KCTD16: variants seen among roughly 807,000 people sequenced by gnomAD.
KCTD16 encodes the protein potassium channel tetramerization domain containing 16.
In KCTD16, 13 loss-of-function variants were observed where a neutral mutation model predicts 33.2. The observed-to-expected ratio is 0.39, with a 90% CI of 0.25 to 0.62. The LOEUF is 0.62. Ranked by LOEUF, KCTD16 falls within the 20% of genes least tolerant of loss-of-function variation. The pLI, the probability that KCTD16 is intolerant of heterozygous loss-of-function variation, is 0.50. For synonymous variants in KCTD16, 197 were observed against 195.3 expected (o/e 1.01, Z -0.07); for missense variants, 441 against 525.1 (o/e 0.84, Z 1.57).
Position 144,180,594 on chromosome 5 carries a change from C to A in KCTD16, c.-327+6122C>A, listed in dbSNP as rs138122219. Among the ~76,000 whole-genome samples, 1,402 of 152,326 alleles carry A rather than the reference C, an allele frequency of 9.2e-3. 11 individuals carry two copies. Among genetic ancestry groups the A allele is most frequent in the South Asian group, 0.017 (80 of 4,832 alleles). On this transcript the variant is annotated intron_variant, in intron 2 of 3. Coordinates refer to ENST00000512467, the MANE Select transcript of KCTD16 (RefSeq NM_020768.4). ...TTGGGGGTAGCTCATCTCTGTTCCACACAACTTCAGCTGGGGAGCTCAAAA... is the reference window on the plus strand; with the variant it reads ...TTGGGGGTAGCTCATCTCTGTTCCAAACAACTTCAGCTGGGGAGCTCAAAA...
chr5:144,451,805 G>T (rs1374124012), intron 3 of KCTD16, among the ~76,000 whole-genome samples: 1 of 152,024 alleles, frequency 6.6e-6, no homozygotes, highest in Admixed American at 6.6e-5. Flanking sequence ...TGGAACTGGG[G>T]TTTCATCATT....
chr5:144,480,496 G>C lies in KCTD16; in HGVS notation c.*6382G>C, dbSNP rs1754684001. ...ATAGAATACATATTAATCATCAGTA[G>C]TCTTTTTTAATTGCAGCCAGTGATC... On this transcript the variant is annotated 3_prime_UTR_variant, in exon 4 of 4. Coordinates refer to ENST00000512467, the MANE Select transcript of KCTD16 (RefSeq NM_020768.4). 1 of 151,940 alleles carries C rather than the reference G, an allele frequency of 6.6e-6. No individual in the cohort carries two copies. The highest frequency in any genetic ancestry group is 2.1e-4 in the South Asian group (1 of 4,828). 9.4% of individuals were successfully genotyped at this position (151,940 alleles called of 1,614,324 possible).
chr5:144,217,334 AT>A (rs1043298993), intron 3 of KCTD16, among the ~76,000 whole-genome samples: 2 of 151,742 alleles, frequency 1.3e-5, no homozygotes, highest in South Asian at 4.2e-4. Context: ...ACTAGGTGAG[AT>A]TTTTTTTTCC....
chr5:144,383,410 G>A (rs1412186891), intron 3 of KCTD16, among the ~76,000 whole-genome samples: 1 of 151,826 alleles, frequency 6.6e-6, no homozygotes, highest in Admixed American at 6.6e-5. Context: ...CTTTTTCACG[G>A]GATGGATCTC....
intron 3 of KCTD16, among the ~76,000 whole-genome samples, chr5:144,360,000 C>T (rs562829105): frequency 6.3e-4 from 96 of 152,148 alleles, no homozygotes; most frequent in African/African-American, 2.2e-3. Context: ...AATGTCTTCC[C>T]CAGTGATTTT....
At chr5:144,292,969 C>T (rs554683409) in intron 3 of KCTD16, among the ~76,000 whole-genome samples, 12 of 152,146 alleles carry the variant, frequency 7.9e-5, no homozygotes, top group Non-Finnish European at 1.3e-4. Context: ...AAGCACAAGG[C>T]GTAAATTTCT....
intron 3 of KCTD16, among the ~76,000 whole-genome samples, chr5:144,286,266 T>G (rs1424857111): frequency 6.6e-6 from 1 of 152,172 alleles, no homozygotes. Context: ...TATATTTTTT[T>G]TCTCCAACTT....
chr5:144,412,171 G>T (rs1403906932), intron 3 of KCTD16, among the ~76,000 whole-genome samples: 1 of 152,144 alleles, frequency 6.6e-6, no homozygotes, highest in Admixed American at 6.5e-5. Flanking sequence ...CCACTACTGT[G>T]TGCATATCCA....
At chr5:144,365,704 A>C (rs1015007820) in intron 3 of KCTD16, among the ~76,000 whole-genome samples, 9 of 152,230 alleles carry the variant, frequency 5.9e-5, no homozygotes, top group African/African-American at 2.2e-4. Flanking sequence ...CATGATTCAA[A>C]TGAACGTGCC....
intron 3 of KCTD16, among the ~76,000 whole-genome samples, chr5:144,285,443 C>A (rs1440952519): frequency 6.6e-6 from 1 of 152,206 alleles, no homozygotes; most frequent in East Asian, 1.9e-4. Context: ...TTCCCATTTT[C>A]TCTGCCAGTT....
chr5:144,261,747 C>A (rs1181792038), intron 3 of KCTD16, among the ~76,000 whole-genome samples: 1 of 152,194 alleles, frequency 6.6e-6, no homozygotes, highest in African/African-American at 2.4e-5. Flanking sequence ...AATTATTTTT[C>A]TTCTTTAATC....
intron 2 of KCTD16, among the ~76,000 whole-genome samples, chr5:144,178,916 A>G (rs1752562488): frequency 6.6e-6 from 1 of 152,220 alleles, no homozygotes; most frequent in African/African-American, 2.4e-5. Context: ...TCACTGAGAT[A>G]GCTCTAAAGT....
rs1754782069 is a variant in KCTD16 at position 144,485,286 on chromosome 5, TGAGC to T, written c.*11173_*11176del. 6.6e-6 allele frequency: 1 copy of T among 152,062 alleles called. No homozygotes were observed. Among genetic ancestry groups the T allele is most frequent in the South Asian group, 2.1e-4 (1 of 4,830 alleles). 9.4% of individuals were successfully genotyped at this position (152,062 alleles called of 1,614,324 possible). A position where few individuals can be genotyped will look rare whatever the true frequency, so the allele number is the denominator to read the frequency against. ...CAACCGCCTATAGATGGAACAGCCC[TGAGC>T]AACATATAAATATATACATACATAT... is the stretch of plus-strand genomic sequence containing the variant. On this transcript the variant is annotated 3_prime_UTR_variant, in exon 4 of 4. Coordinates refer to ENST00000512467, the MANE Select transcript of KCTD16 (RefSeq NM_020768.4).
At chr5:144,190,133 A>ACG (rs1230641090) in intron 2 of KCTD16, among the ~76,000 whole-genome samples, 2 of 152,154 alleles carry the variant, frequency 1.3e-5, no homozygotes, top group Non-Finnish European at 2.9e-5. Context: ...TGTCTCCTTA[A>ACG]CGCTATTATA....
At chr5:144,338,930 T>C (rs1752559538) in intron 3 of KCTD16, among the ~76,000 whole-genome samples, 1 of 152,176 alleles carries the variant, frequency 6.6e-6, no homozygotes, top group Non-Finnish European at 1.5e-5. Flanking sequence ...AATTTGCTAG[T>C]AGTTAACAAA....
At chr5:144,304,977 C>CTTTTTTTT (rs146638360) in intron 3 of KCTD16, among the ~76,000 whole-genome samples, 7 of 83,412 alleles carry the variant, frequency 8.4e-5, no homozygotes, top group African/African-American at 1.1e-4. Flanking sequence ...ATATCAAAAT[C>CTTTTTTTT]TTTTTTTTTT....
At chr5:144,408,729 G>A (rs1406918200) in intron 3 of KCTD16, among the ~76,000 whole-genome samples, 1 of 152,044 alleles carries the variant, frequency 6.6e-6, no homozygotes, top group Admixed American at 6.5e-5. Flanking sequence ...TTGAGATATC[G>A]CTCCTGCCTG....
At chr5:144,383,631 CAGG>C (rs1011252728) in intron 3 of KCTD16, among the ~76,000 whole-genome samples, 2 of 150,522 alleles carry the variant, frequency 1.3e-5, no homozygotes, top group African/African-American at 4.9e-5. Flanking sequence ...AATATTTTTT[CAGG>C]AGATTTTTTT....
In KCTD16 at chr5:144,483,442, A is replaced by G. The variant is rs1754744451; in HGVS notation, c.*9328A>G. 1 of 151,952 alleles carries G rather than the reference A, an allele frequency of 6.6e-6. No homozygotes were observed. Among genetic ancestry groups the G allele is most frequent in the African/African-American group, 2.4e-5 (1 of 41,418 alleles). 9.4% of individuals were successfully genotyped at this position (151,952 alleles called of 1,614,324 possible). A position where few individuals can be genotyped will look rare whatever the true frequency, so the allele number is the denominator to read the frequency against. The stretch of plus-strand genomic sequence containing the variant: ...TAAATAGATACTAAAAGTCATGGGC[A>G]CATTGTAATAATCACAAAGTTTTAG... On this transcript the variant is annotated 3_prime_UTR_variant, in exon 4 of 4. Coordinates refer to ENST00000512467, the MANE Select transcript of KCTD16 (RefSeq NM_020768.4).
Sources: gnomAD v4.1 joint callset for allele counts (sites outside exome capture counted in the v4.1 genomes callset) on GRCh38, gnomAD v4.1.1 for gene constraint, MANE v1.5 for transcripts, NCBI Gene and HGNC (gene_info 2026-07-23, HGNC 2026-07-21) for gene names.